Variants in DISC1 observed in about 807,000 individuals in gnomAD.
The protein encoded by DISC1 is DISC1 scaffold protein.
Under a neutral mutation model 84.5 loss-of-function variants are expected in DISC1, and 57 were observed. That is an observed-to-expected ratio of 0.67 (90% CI 0.55 to 0.84). The LOEUF (loss-of-function observed/expected upper bound fraction) is 0.84, where lower values mean the gene tolerates loss of function less well. Among genes scored for constraint, DISC1 ranks in the 40% least tolerant of loss-of-function variants. DISC1 has a pLI of 0.00. For synonymous variants in DISC1, 411 were observed against 415.2 expected (o/e 0.99, Z 0.12); for missense variants, 1,000 against 1,057.8 (o/e 0.95, Z 0.76).
chr1:231,700,556 G>A (rs2066284234), intron 2 of DISC1, among the ~76,000 whole-genome samples: 1 of 152,176 alleles, frequency 6.6e-6, no homozygotes, highest in African/African-American at 2.4e-5. Flanking sequence ...TAGTAGTTAA[G>A]TTTTGGGGAA....
At chr1:232,022,714 T>C (rs1572666223) in intron 11 of DISC1, among the ~76,000 whole-genome samples, 2 of 152,292 alleles carry the variant, frequency 1.3e-5, no homozygotes, top group Middle Eastern at 3.4e-3. Flanking sequence ...TACCCTCTCA[T>C]CAGCTGTCAA....
chr1:231,858,668 C>T (rs1156986909), intron 9 of DISC1, among the ~76,000 whole-genome samples: 2 of 152,148 alleles, frequency 1.3e-5, no homozygotes, highest in Non-Finnish European at 2.9e-5. Flanking sequence ...TGTAGTCTTC[C>T]TTTTTCTATT....
At chr1:231,887,732 G>A (rs973780546) in intron 9 of DISC1, among the ~76,000 whole-genome samples, 8 of 152,174 alleles carry the variant, frequency 5.3e-5, no homozygotes, top group Admixed American at 5.2e-4. Flanking sequence ...AATTTGCTGA[G>A]GATTTAAACT....
chr1:231,819,020 T>C (rs185884963), intron 9 of DISC1: 1 of 994,622 alleles, frequency 1.0e-6, no homozygotes, highest in Non-Finnish European at 1.2e-6. Flanking sequence ...CCAAAGTGTC[T>C]GCTTGTCAGA....
At chr1:231,851,913 G>T (rs2083929298) in intron 9 of DISC1, among the ~76,000 whole-genome samples, 1 of 152,216 alleles carries the variant, frequency 6.6e-6, no homozygotes. Context: ...GGACAGCTTT[G>T]GTGCACAAGG....
intron 9 of DISC1, among the ~76,000 whole-genome samples, chr1:231,951,269 G>C (rs1405902598): frequency 6.6e-6 from 1 of 152,216 alleles, no homozygotes; most frequent in Non-Finnish European, 1.5e-5. Context: ...AGTGATGGAA[G>C]CTCAGAGCCT....
chr1:231,938,662 TTC>T (rs2091122368), intron 9 of DISC1, among the ~76,000 whole-genome samples: 1 of 152,182 alleles, frequency 6.6e-6, no homozygotes, highest in Non-Finnish European at 1.5e-5. Context: ...AAACCAATCA[TTC>T]GTGTTGTTTT....
In DISC1 at chr1:231,868,461, T is replaced by G. The variant is rs530338569; in HGVS notation, c.1981+49944T>G. On this transcript the variant is annotated intron_variant, in intron 9 of 12. Transcript: ENST00000439617. Reference sequence around the variant, plus strand: ...GGATGTGCTTAGACCAGCCTTTAACTATGCATCCTCAAAACAGCTGGCAGC... The same window carrying G: ...GGATGTGCTTAGACCAGCCTTTAACGATGCATCCTCAAAACAGCTGGCAGC... Among the ~76,000 whole-genome samples, 164 of 152,218 alleles carry G rather than the reference T, an allele frequency of 1.1e-3. 2 individuals are homozygous for G. The highest frequency in any genetic ancestry group is 3.7e-3 in the African/African-American group (154 of 41,544).
In DISC1 at chr1:231,965,448, A is replaced by G. The variant is rs117498309; in HGVS notation, c.2042+6560A>G. Among the ~76,000 whole-genome samples, 706 of 152,146 alleles carry G rather than the reference A, an allele frequency of 4.6e-3. 13 individuals carry two copies. In the South Asian group the frequency reaches 0.07, roughly 15 times the overall value. On this transcript the variant is annotated intron_variant, in intron 10 of 12. Coordinates refer to ENST00000439617, the MANE Select transcript of DISC1 (RefSeq NM_018662.3). ...CATAGAGGCTTTCCTCTGCATTCCC[A>G]TCACTACTACCTGCAACTTGGCCCA... is the stretch of plus-strand genomic sequence containing the variant.
rs527908539 is a variant in DISC1 at position 232,039,298 on chromosome 1, A to G, written c.*2467A>G. On this transcript the variant is annotated 3_prime_UTR_variant, in exon 13 of 13. Coordinates refer to ENST00000439617, the MANE Select transcript of DISC1 (RefSeq NM_018662.3). The stretch of plus-strand genomic sequence containing the variant: ...TCAAAAAGCCTCCCAGACACAAGAC[A>G]TCTTAACCGTCACTAGCCCAAGTGT... 2 of 152,322 alleles carry G rather than the reference A, an allele frequency of 1.3e-5. No individual in the cohort carries two copies. The highest frequency in any genetic ancestry group is 4.1e-4 in the South Asian group (2 of 4,820). The allele number at this position is 152,322 out of a possible 1,614,324, so 9.4% of individuals were successfully genotyped here.
At position 231,630,270 on chromosome 1, in the gene DISC1, T is replaced by C. The variant is rs187266358; in HGVS notation, c.67+3336T>C. Among the ~76,000 whole-genome samples, 7 of 152,068 alleles carry C rather than the reference T, an allele frequency of 4.6e-5. No homozygotes were observed. Among genetic ancestry groups the C allele is most frequent in the African/African-American group, 1.7e-4 (7 of 41,376 alleles). On this transcript the variant is annotated intron_variant, in intron 1 of 12. Coordinates refer to ENST00000439617, the MANE Select transcript of DISC1 (RefSeq NM_018662.3). The surrounding 1 kb of genome is among the most constrained non-coding windows in gnomAD (Gnocchi z 4.4). ...AAGACCAGCACACAAAGTTTCTGAG[T>C]ACAAAAAAAGGTAATATTTTAGGTT...
intron 4 of DISC1, among the ~76,000 whole-genome samples, chr1:231,761,832 C>G (rs1051758575): frequency 2.0e-5 from 3 of 152,168 alleles, no homozygotes; most frequent in Non-Finnish European, 4.4e-5. Flanking sequence ...TTGAATCATT[C>G]TATAAATATT....
intron 1 of DISC1, among the ~76,000 whole-genome samples, chr1:231,678,966 G>A (rs914888335): frequency 5.3e-5 from 8 of 152,190 alleles, no homozygotes; most frequent in African/African-American, 1.9e-4. Flanking sequence ...ATGAGCCACC[G>A]CGCCCGGCCA....
chr1:231,825,917 T>A (rs979026746), intron 9 of DISC1, among the ~76,000 whole-genome samples: 1 of 152,258 alleles, frequency 6.6e-6, no homozygotes, highest in Admixed American at 6.5e-5. Context: ...ACTGTGTATA[T>A]TCAGTATGTA....
At chr1:231,669,691 C>T (rs1391181318) in intron 1 of DISC1, among the ~76,000 whole-genome samples, 1 of 151,712 alleles carries the variant, frequency 6.6e-6, no homozygotes, top group Non-Finnish European at 1.5e-5. Flanking sequence ...TAACACCAGT[C>T]AGAATGGATA....
chr1:232,005,942 C>G (rs540287656), intron 10 of DISC1, among the ~76,000 whole-genome samples: 58 of 151,462 alleles, frequency 3.8e-4, no homozygotes, highest in African/African-American at 1.4e-3. Flanking sequence ...TTTTGGTTTT[C>G]CAAAAAAAAG....
chr1:231,801,515 C>T lies in DISC1; in HGVS notation c.1792+1305C>T, dbSNP rs370180757. On this transcript the variant is annotated intron_variant, in intron 8 of 12. Transcript: ENST00000439617. ...ATGGCGCAGGTTTCCTGTTTTAGCTCTTTGGTCAGCTGAGAAAATTGGTGA... is the reference window on the plus strand; with the variant it reads ...ATGGCGCAGGTTTCCTGTTTTAGCTTTTTGGTCAGCTGAGAAAATTGGTGA... 3.9e-5 allele frequency among the ~76,000 whole-genome samples: 6 copies of T among 152,270 alleles called. No homozygotes were observed. In the South Asian group the frequency reaches 1.2e-3, roughly 32 times the overall value.
At chr1:231,828,912 G>A (rs188705344) in intron 9 of DISC1, among the ~76,000 whole-genome samples, 86 of 151,668 alleles carry the variant, frequency 5.7e-4, no homozygotes, top group African/African-American at 2.0e-3. Context: ...AGTGGCTCAA[G>A]TTTCTGTATA....
At chr1:231,960,363 C>T (rs892009269) in intron 10 of DISC1, among the ~76,000 whole-genome samples, 1 of 152,156 alleles carries the variant, frequency 6.6e-6, no homozygotes, top group Non-Finnish European at 1.5e-5. Context: ...TAGCGATTCT[C>T]CTGTCTCAGC....
Sources: gnomAD v4.1 joint callset for allele counts (sites outside exome capture counted in the v4.1 genomes callset) on GRCh38, gnomAD v4.1.1 for gene constraint, Gnocchi (gnomAD v3.1) non-coding constraint, MANE v1.5 for transcripts, NCBI Gene and HGNC (gene_info 2026-07-23, HGNC 2026-07-21) for gene names.